The following PDE4D variants were observed in gnomAD, a reference collection of about 807,000 sequenced individuals.
PDE4D encodes 3',5'-cyclic-AMP phosphodiesterase 4D.
A neutral mutation model predicts 87.4 loss-of-function variants in PDE4D; 24 were observed. That is an observed-to-expected ratio of 0.27 (90% CI 0.20 to 0.39). The LOEUF (loss-of-function observed/expected upper bound fraction) is 0.39. Ranked by LOEUF, PDE4D falls within the 10% of genes least tolerant of loss-of-function variation. The probability of loss-of-function intolerance (pLI) is 1.00; values close to 1 mark genes in which losing one functional copy is unlikely to be tolerated. For synonymous variants in PDE4D, 384 were observed against 383.2 expected (o/e 1.00, Z -0.02); for missense variants, 714 against 1,041.0 (o/e 0.69, Z 4.32).
At chr5:60,102,507 A>G (rs1776327312) in intron 2 of PDE4D, among the ~76,000 whole-genome samples, 1 of 152,182 alleles carries the variant, frequency 6.6e-6, no homozygotes, top group South Asian at 2.1e-4. Context: ...TTTTACAAAC[A>G]GTGCTCTAAA....
chr5:59,245,394 G>A (rs765522662), intron 1 of PDE4D, among the ~76,000 whole-genome samples: 1 of 152,104 alleles, frequency 6.6e-6, no homozygotes, highest in Non-Finnish European at 1.5e-5. Context: ...CCTCCTTGAG[G>A]CATATTTTTT....
chr5:60,011,684 G>A (rs1765033421), intron 2 of PDE4D, among the ~76,000 whole-genome samples: 1 of 151,994 alleles, frequency 6.6e-6, no homozygotes, highest in Non-Finnish European at 1.5e-5. Context: ...AAATGATGTG[G>A]CCCACAAAGC....
intron 1 of PDE4D, among the ~76,000 whole-genome samples, chr5:59,826,113 CA>C (rs1561723877): frequency 6.6e-6 from 1 of 152,148 alleles, no homozygotes; most frequent in African/African-American, 2.4e-5. Flanking sequence ...TTTTCTGTTA[CA>C]AATTCAGAGA....
intron 1 of PDE4D, among the ~76,000 whole-genome samples, chr5:59,865,470 A>T (rs1746875341): frequency 6.6e-6 from 1 of 152,188 alleles, no homozygotes. Context: ...TTACTCAGGG[A>T]CCCACTGCCA....
At chr5:59,527,770 A>G (rs1813422100) in intron 1 of PDE4D, among the ~76,000 whole-genome samples, 2 of 152,330 alleles carry the variant, frequency 1.3e-5, no homozygotes. Flanking sequence ...TGAGTCATCT[A>G]CTTCTGATTT....
chr5:60,428,295 T>A (rs903514570), intron 1 of PDE4D, among the ~76,000 whole-genome samples: 2 of 150,700 alleles, frequency 1.3e-5, no homozygotes, highest in African/African-American at 4.9e-5. Flanking sequence ...TAAGGGGGTA[T>A]AACTAAAAGC....
chr5:60,377,362 A>G (rs1761512356), intron 1 of PDE4D, among the ~76,000 whole-genome samples: 1 of 152,218 alleles, frequency 6.6e-6, no homozygotes, highest in Admixed American at 6.5e-5. Flanking sequence ...CATTTGGGGT[A>G]ACAATCCTCT....
chr5:59,514,850 C>T (rs1368690459), intron 1 of PDE4D, among the ~76,000 whole-genome samples: 1 of 152,114 alleles, frequency 6.6e-6, no homozygotes, highest in South Asian at 2.1e-4. Flanking sequence ...AGGGTATACA[C>T]CTAATTCATT....
intron 1 of PDE4D, among the ~76,000 whole-genome samples, chr5:59,741,735 T>C (rs1758868856): frequency 6.6e-6 from 1 of 152,322 alleles, no homozygotes; most frequent in African/African-American, 2.4e-5. Flanking sequence ...AATTACGTTT[T>C]TCTAGTAGTT....
intron 5 of PDE4D, among the ~76,000 whole-genome samples, chr5:59,077,433 T>C (rs757837169): frequency 1.3e-5 from 2 of 151,970 alleles, no homozygotes; most frequent in Non-Finnish European, 2.9e-5. Flanking sequence ...AGTTACACTA[T>C]ACTGTATATC....
chr5:59,511,010 A>T (rs1284624782), intron 1 of PDE4D, among the ~76,000 whole-genome samples: 1 of 151,834 alleles, frequency 6.6e-6, no homozygotes, highest in African/African-American at 2.4e-5. Flanking sequence ...AAGATTAATA[A>T]GTAAGTTATC....
chr5:59,935,927 G>A (rs965727492), intron 3 of PDE4D, among the ~76,000 whole-genome samples: 2 of 152,208 alleles, frequency 1.3e-5, no homozygotes, highest in African/African-American at 2.4e-5. Flanking sequence ...ACCTGTGCAT[G>A]TGTCTTTATA....
intron 1 of PDE4D, among the ~76,000 whole-genome samples, chr5:60,400,204 G>A (rs935975914): frequency 1.3e-5 from 2 of 152,182 alleles, no homozygotes; most frequent in Admixed American, 1.3e-4. Context: ...AGAAGTGGAT[G>A]GGACTGGGGT....
chr5:59,744,523 T>C lies in PDE4D; in HGVS notation c.455+148645A>G, dbSNP rs1347869916. Among the ~76,000 whole-genome samples the C allele has an allele frequency of 3.2e-4, 48 of 152,112 alleles. 1 individual carries two copies. The highest frequency in any genetic ancestry group is 2.9e-5 in the Non-Finnish European group (2 of 68,018). ...TAGTATAAAGCCTGACTTTGATGTA[T>C]CTAAACAAGCACAAATATAGAACTC... On this transcript the variant is annotated intron_variant, in intron 1 of 14. Transcript: ENST00000340635.
intron 1 of PDE4D, among the ~76,000 whole-genome samples, chr5:59,841,719 G>A (rs933536331): frequency 5.9e-5 from 9 of 152,028 alleles, no homozygotes; most frequent in African/African-American, 2.2e-4. Flanking sequence ...TCCAAAGTGG[G>A]AACAGAGAGA....
intron 5 of PDE4D, among the ~76,000 whole-genome samples, chr5:59,156,320 A>AAATATATATAT (rs548335725): frequency 2.7e-4 from 22 of 81,766 alleles, no homozygotes; most frequent in Admixed American, 5.7e-4. Flanking sequence ...AAAAAAAAAA[A>AAATATATATAT]ATATATATAT....
At position 59,821,832 on chromosome 5, in the gene PDE4D, G is replaced by A. The variant is rs574741312; in HGVS notation, c.455+71336C>T. Among the ~76,000 whole-genome samples the A allele has an allele frequency of 3.9e-5, 6 of 152,298 alleles. No homozygotes were observed. The South Asian group carries it at 1.2e-3, about 32-fold the overall frequency. On this transcript the variant is annotated intron_variant, in intron 1 of 14. Transcript: ENST00000340635. ...TCAATATGATGTTATTGAACATGGA[G>A]TTAGGAAGATATGTTAACCATAGGC... is the stretch of plus-strand genomic sequence containing the variant.
chr5:60,316,287 G>A (rs1214148756), intron 1 of PDE4D, among the ~76,000 whole-genome samples: 4 of 152,138 alleles, frequency 2.6e-5, no homozygotes, highest in African/African-American at 9.7e-5. Flanking sequence ...CTCTCTGTTT[G>A]TCTGTTATTG....
intron 2 of PDE4D, among the ~76,000 whole-genome samples, chr5:59,198,100 G>A (rs1007065438): frequency 3.3e-5 from 5 of 152,110 alleles, no homozygotes; most frequent in African/African-American, 1.2e-4. Flanking sequence ...CTGGTAATGT[G>A]AATTTTGGGT....
Sources: gnomAD v4.1 joint callset for allele counts (sites outside exome capture counted in the v4.1 genomes callset) on GRCh38, gnomAD v4.1.1 for gene constraint, MANE v1.5 for transcripts, NCBI Gene and HGNC (gene_info 2026-07-23, HGNC 2026-07-21) for gene names.